Variants in TRIM2 observed in about 807,000 individuals in gnomAD.
TRIM2 encodes tripartite motif-containing protein 2.
Under a neutral mutation model 75.2 loss-of-function variants are expected in TRIM2, and 20 were observed. That is an observed-to-expected ratio of 0.27 (90% CI 0.19 to 0.39). The LOEUF is 0.39. Among genes scored for constraint, TRIM2 ranks in the 10% least tolerant of loss-of-function variants. The probability of loss-of-function intolerance (pLI) is 1.00; values close to 1 mark genes in which losing one functional copy is unlikely to be tolerated. For missense variants in TRIM2, 660 were observed against 990.8 expected, an observed-to-expected ratio of 0.67 and a Z score of 4.48; for synonymous variants, 373 against 388.3, an observed-to-expected ratio of 0.96 and a Z score of 0.46.
intron 6 of TRIM2, among the ~76,000 whole-genome samples, chr4:153,314,810 C>T (rs1279609374): frequency 1.3e-5 from 2 of 152,078 alleles, no homozygotes; most frequent in African/African-American, 4.8e-5. Context: ...CTATCTGTGG[C>T]CTTCGGTTTG....
At chr4:153,244,785 A>C (rs1157615832) in intron 1 of TRIM2, among the ~76,000 whole-genome samples, 1 of 152,200 alleles carries the variant, frequency 6.6e-6, no homozygotes, top group Admixed American at 6.5e-5. Flanking sequence ...GTAAAACATA[A>C]CATCCTGTTT....
Position 153,336,647 on chromosome 4 carries a change from CT to C in TRIM2, c.*1682del. The C allele has an allele frequency of 1.0e-6, 1 of 985,534 alleles. No homozygotes were observed. The highest frequency in any genetic ancestry group is 1.2e-6 in the Non-Finnish European group (1 of 829,798). The allele number at this position is 985,534 out of a possible 1,614,324, so 61.0% of individuals were successfully genotyped here. A position where few individuals can be genotyped will look rare whatever the true frequency, so the allele number is the denominator to read the frequency against. ...ACTGTACTATAAGAAAACATTTCCC[CT>C]ATGTATAATTATATGAATGTGATGT... On this transcript the variant is annotated 3_prime_UTR_variant, in exon 12 of 12. Coordinates refer to ENST00000338700, the MANE Select transcript of TRIM2 (RefSeq NM_015271.5).
intron 1 of TRIM2, among the ~76,000 whole-genome samples, chr4:153,259,199 C>T (rs942191461): frequency 2.0e-5 from 3 of 152,120 alleles, no homozygotes; most frequent in Non-Finnish European, 2.9e-5. Context: ...AATCTATACA[C>T]GTTTTTTCCA....
chr4:153,299,996 C>T (rs921002044), intron 6 of TRIM2, among the ~76,000 whole-genome samples: 15 of 152,162 alleles, frequency 9.9e-5, no homozygotes, highest in African/African-American at 2.9e-4. Context: ...GTTTGCAAGT[C>T]GCACCCTTCT....
intron 10 of TRIM2, chr4:153,324,551 A>G (rs1021346880): frequency 8.2e-5 from 17 of 208,276 alleles, no homozygotes; most frequent in Non-Finnish European, 1.5e-4. Context: ...AACAACAGAC[A>G]GCATGGGGAG....
At chr4:153,225,689 G>A (rs1163044432) in intron 1 of TRIM2, among the ~76,000 whole-genome samples, 1 of 152,102 alleles carries the variant, frequency 6.6e-6, no homozygotes, top group Non-Finnish European at 1.5e-5. Flanking sequence ...GAAATTAAGG[G>A]GAGTGAATTT....
intron 1 of TRIM2, among the ~76,000 whole-genome samples, chr4:153,219,691 G>C (rs1371998998): frequency 1.3e-5 from 2 of 152,110 alleles, no homozygotes; most frequent in Admixed American, 6.5e-5. Context: ...AACAAAGTAA[G>C]ACCCTGTCTC....
At chr4:153,214,987 G>A (rs1391088069) in intron 1 of TRIM2, among the ~76,000 whole-genome samples, 1 of 152,208 alleles carries the variant, frequency 6.6e-6, no homozygotes, top group Non-Finnish European at 1.5e-5. Context: ...TGCAACAGAA[G>A]TAACAATTAT....
intron 6 of TRIM2, among the ~76,000 whole-genome samples, chr4:153,296,935 T>C (rs978514379): frequency 1.3e-5 from 2 of 152,196 alleles, no homozygotes; most frequent in Middle Eastern, 3.2e-3. Flanking sequence ...AAAACAATTC[T>C]ATGGTTCAGA....
At chr4:153,311,385 G>T (rs1255807850) in intron 6 of TRIM2, among the ~76,000 whole-genome samples, 1 of 150,722 alleles carries the variant, frequency 6.6e-6, no homozygotes, top group Non-Finnish European at 1.5e-5. Flanking sequence ...GCTACTGTCT[G>T]CATGGTCTTC....
Position 153,262,568 on chromosome 4 carries a change from A to G in TRIM2, c.31-7767A>G, listed in dbSNP as rs1753837581. 8.5e-5 allele frequency among the ~76,000 whole-genome samples: 13 copies of G among 152,296 alleles called. No individual in the cohort carries two copies. The South Asian group carries it at 2.7e-3, about 32-fold the overall frequency. On this transcript the variant is annotated intron_variant, in intron 1 of 11. Coordinates refer to ENST00000338700, the MANE Select transcript of TRIM2 (RefSeq NM_015271.5). The stretch of plus-strand genomic sequence containing the variant: ...ATTCAATAAAATCCAGACCCTGCAC[A>G]ATACAATAGTGATGTTATCTGTAGG...
chr4:153,264,295 G>A lies in TRIM2; in HGVS notation c.31-6040G>A, dbSNP rs566447151. Among the ~76,000 whole-genome samples the A allele has an allele frequency of 5.3e-5, 8 of 152,114 alleles. No individual in the cohort carries two copies. The South Asian group carries it at 6.2e-4, about 12-fold the overall frequency. ...ATTATTTTAAAGTGGTTCTTTCTGC[G>A]TTTGCTACCATTTCCTTTCTACTGG... On this transcript the variant is annotated intron_variant, in intron 1 of 11. Coordinates refer to ENST00000338700, the MANE Select transcript of TRIM2 (RefSeq NM_015271.5).
At chr4:153,174,931 G>A (rs1560786119) in intron 1 of TRIM2, among the ~76,000 whole-genome samples, 1 of 152,178 alleles carries the variant, frequency 6.6e-6, no homozygotes, top group African/African-American at 2.4e-5. Context: ...GCTTCCATTC[G>A]GGAGGCTTAG....
chr4:153,285,867 A>T (rs1760512331), intron 3 of TRIM2, among the ~76,000 whole-genome samples: 1 of 151,914 alleles, frequency 6.6e-6, no homozygotes, highest in South Asian at 2.1e-4. Context: ...GATGCATTTT[A>T]TTTCTTTTTC....
upstream of TRIM2, chr4:153,152,742 G>A (rs1428347930): frequency 6.6e-6 from 1 of 152,106 alleles, no homozygotes; most frequent in Admixed American, 6.6e-5. Context: ...CCGATACCCA[G>A]AAATCCAGTA....
At chr4:153,203,351 C>G (rs920758079), upstream of TRIM2, among the ~76,000 whole-genome samples, 3 of 149,754 alleles carry the variant, frequency 2.0e-5, no homozygotes, top group Admixed American at 6.7e-5. Context: ...CTGTGAATAG[C>G]CACTGCACTC....
intron 1 of TRIM2, among the ~76,000 whole-genome samples, chr4:153,197,965 G>A (rs1168685389): frequency 2.0e-5 from 3 of 152,124 alleles, no homozygotes; most frequent in Non-Finnish European, 2.9e-5. Flanking sequence ...CTCTTAATGA[G>A]AAAACAGGCC....
intron 1 of TRIM2, among the ~76,000 whole-genome samples, chr4:153,239,383 T>C (rs185507391): frequency 6.6e-5 from 10 of 151,646 alleles, no homozygotes; most frequent in Non-Finnish European, 1.5e-4. Context: ...CTGGCTTTGA[T>C]AGAATTGTTT....
At chr4:153,288,330 A>G (rs1761116058) in intron 3 of TRIM2, among the ~76,000 whole-genome samples, 1 of 152,098 alleles carries the variant, frequency 6.6e-6, no homozygotes, top group Non-Finnish European at 1.5e-5. Context: ...CCAGCTACTC[A>G]GGAGGCTGAG....
Sources: gnomAD v4.1 joint callset for allele counts (sites outside exome capture counted in the v4.1 genomes callset) on GRCh38, gnomAD v4.1.1 for gene constraint, MANE v1.5 for transcripts, NCBI Gene and HGNC (gene_info 2026-07-23, HGNC 2026-07-21) for gene names.